LAT2: variants seen among roughly 807,000 people sequenced by gnomAD.
The protein encoded by LAT2 is linker for activation of T-cells family member 2.
A neutral mutation model predicts 43.4 loss-of-function variants in LAT2; 23 were observed. The ratio of observed to expected loss-of-function variants is 0.53; its 90% CI spans 0.38 to 0.75. The LOEUF (loss-of-function observed/expected upper bound fraction) is 0.75, where lower values mean the gene tolerates loss of function less well. Ranked by LOEUF, LAT2 falls within the 30% of genes least tolerant of loss-of-function variation. LAT2 has a pLI of 0.00. For synonymous variants in LAT2, 128 were observed against 123.2 expected (o/e 1.04, Z -0.26); for missense variants, 284 against 310.2 (o/e 0.92, Z 0.64).
At chr7:74,222,446 G>A (rs1355385374) in intron 10 of LAT2, among the ~76,000 whole-genome samples, 1 of 151,694 alleles carries the variant, frequency 6.6e-6, no homozygotes, top group Non-Finnish European at 1.5e-5. Context: ...GAGGACTCAG[G>A]GTGGGCAGTG....
rs185535173 is a variant in LAT2, at chr7:74,214,042, A to G, written c.-218-780A>G. 3.9e-3 allele frequency among the ~76,000 whole-genome samples: 524 copies of G among 134,060 alleles called. 6 individuals carry two copies. Among genetic ancestry groups the G allele is most frequent in the Middle Eastern group, 0.015 (4 of 274 alleles). 87.9% of individuals were successfully genotyped at this position (134,060 alleles called of 152,430 possible). On this transcript the variant is annotated intron_variant, in intron 1 of 13. Transcript: ENST00000460943. ...CAGCTCACTGCAGCCATATATATGT[A>G]TATATATATATATATGAAAAAATAT...
At chr7:74,218,725 C>T (rs1283784559) in intron 4 of LAT2, among the ~76,000 whole-genome samples, 1 of 152,184 alleles carries the variant, frequency 6.6e-6, no homozygotes, top group African/African-American at 2.4e-5. Context: ...GATGGAGCCA[C>T]ATTTACTTTT....
chr7:74,223,705 A>T lies in LAT2; in HGVS notation c.389-19A>T. ...AGGGTCTGCCCACACCCCCGTGCCC[A>T]CTCCTCTCTCTCCTGCAGATGATGA... On this transcript the variant is annotated intron_variant, in intron 10 of 13. Transcript: ENST00000460943. 6.2e-7 allele frequency: 1 copy of T among 1,607,240 alleles called. No homozygotes were observed. Among genetic ancestry groups the T allele is most frequent in the Non-Finnish European group, 8.5e-7 (1 of 1,174,216 alleles).
Position 74,220,821 on chromosome 7 carries a change from T to TCTCC in LAT2, c.332+87_332+88insCTCC. 29 of 1,027,744 alleles carry TCTCC rather than the reference T, an allele frequency of 2.8e-5. No individual in the cohort carries two copies. The highest frequency in any genetic ancestry group is 3.6e-4 in the Middle Eastern group (1 of 2,752). 63.7% of individuals were successfully genotyped at this position (1,027,744 alleles called of 1,614,324 possible). A position where few individuals can be genotyped will look rare whatever the true frequency, so the allele number is the denominator to read the frequency against. Reference sequence around the variant, plus strand: ...GCCCCACCTCTCCCCCTGCCCCACCTGCCTGCCACAGCCCTGGGCTTCCTG... The same window carrying TCTCC: ...GCCCCACCTCTCCCCCTGCCCCACCTCTCCGCCTGCCACAGCCCTGGGCTTCCTG... On this transcript the variant is annotated intron_variant, in intron 9 of 13. Transcript: ENST00000460943. The surrounding 1 kb of genome is among the most constrained non-coding windows in gnomAD (Gnocchi z 4.5).
intron 3 of LAT2, among the ~76,000 whole-genome samples, chr7:74,216,531 CTGG>C (rs1802053913): frequency 6.6e-6 from 1 of 152,122 alleles, no homozygotes; most frequent in Non-Finnish European, 1.5e-5. Context: ...GCCACCATGC[CTGG>C]CTAATTTTTG....
intron 13 of LAT2, among the ~76,000 whole-genome samples, chr7:74,228,272 C>T (rs1250398915): frequency 2.0e-4 from 29 of 145,870 alleles, no homozygotes; most frequent in Non-Finnish European, 3.1e-4. Context: ...GTCAGGAGAT[C>T]GAGACCATCC....
Position 74,220,243 on chromosome 7 carries a change from C to T in LAT2, c.254C>T (p.Pro85Leu). 1 of 1,611,622 alleles carries T rather than the reference C, an allele frequency of 6.2e-7. No homozygotes were observed. Among genetic ancestry groups the T allele is most frequent in the Non-Finnish European group, 8.5e-7 (1 of 1,178,524 alleles). ...TRKDKLLQFY[P>L]SLEDPASSRY... ...AAGGACAAGCTGTTGCAATTCTACC[C>T]CAGCCTGGAGGGTGAGTGGCACAGG... The change falls in exon 7 of 14, where the codon CCC becomes CTC. Residue 85 changes from proline to leucine, a missense_variant. Pro to Leu is a moderately conservative substitution (Grantham distance 98, BLOSUM62 -3). Transcript: ENST00000460943. This position sits in a 1 kb window ranked among gnomAD's most constrained non-coding sequence, Gnocchi z 4.5.
intron 4 of LAT2, 111 bp downstream of exon 4, chr7:74,216,975 GT>G: frequency 2.2e-6 from 2 of 917,428 alleles, no homozygotes; most frequent in Non-Finnish European, 3.5e-6. Flanking sequence ...CACCTCCTCC[GT>G]GCCAAGTTCT....
At chr7:74,216,097 G>A (rs1269178220) in intron 3 of LAT2, 28 bp downstream of exon 3, 23 of 1,578,678 alleles carry the variant, frequency 1.5e-5, no homozygotes, top group Non-Finnish European at 1.8e-5. Flanking sequence ...GGACGTGATG[G>A]GGAGAAGGTG....
At chr7:74,224,585 C>T in intron 12 of LAT2, 54 bp from the exon 13 acceptor site, 1 of 1,462,990 alleles carries the variant, frequency 6.8e-7, no homozygotes, top group Non-Finnish European at 9.4e-7. Context: ...GGGGAGCAGT[C>T]ATGGGTGTCT....
chr7:74,227,601 G>A (rs1470975129), intron 13 of LAT2, among the ~76,000 whole-genome samples: 1 of 152,206 alleles, frequency 6.6e-6, no homozygotes, highest in Admixed American at 6.5e-5. Context: ...TGGGTACTGG[G>A]AGAGTGGGTA....
chr7:74,220,151 G>A lies in LAT2; in HGVS notation c.228-66G>A, dbSNP rs1374185034. On this transcript the variant is annotated intron_variant, in intron 6 of 13. Transcript: ENST00000460943. The surrounding 1 kb of genome is among the most constrained non-coding windows in gnomAD (Gnocchi z 4.5). ...GAAGGCCCCACAAGGGGTATGGGGG[G>A]ATGTGTCCTGGGGGGCCTCTCCCCT... The A allele has an allele frequency of 3.2e-6, 5 of 1,567,198 alleles. No homozygotes were observed. Among genetic ancestry groups the A allele is most frequent in the Non-Finnish European group, 3.5e-6 (4 of 1,149,682 alleles).
At chr7:74,210,909 T>C (rs1801711040) in intron 1 of LAT2, among the ~76,000 whole-genome samples, 1 of 151,988 alleles carries the variant, frequency 6.6e-6, no homozygotes, top group Non-Finnish European at 1.5e-5. Flanking sequence ...CCAACCCCAG[T>C]GTCCCCAACC....
intron 13 of LAT2, among the ~76,000 whole-genome samples, chr7:74,227,422 G>A (rs1802532469): frequency 3.3e-5 from 5 of 151,982 alleles, no homozygotes; most frequent in Admixed American, 3.3e-4. Context: ...GTTTCACCAT[G>A]TTGGCCAGGC....
chr7:74,224,182 T>C lies in LAT2; in HGVS notation c.613T>C (p.Ser205Pro). Reference sequence around the variant, plus strand: ...AGCATCCATCCATCAGTGGCGCGAGTCCAGGAAGGTCATGGGTAGGTGGCC... The same window carrying C: ...AGCATCCATCCATCAGTGGCGCGAGCCCAGGAAGGTCATGGGTAGGTGGCC... ...NSASIHQWRE[S>P]RKVMGQLQRE... The change falls in exon 12 of 14, where the codon TCC becomes CCC. Residue 205 changes from serine to proline, a missense_variant. Ser to Pro is a moderately conservative substitution (Grantham distance 74). Coordinates refer to ENST00000460943, the MANE Select transcript of LAT2 (RefSeq NM_032464.3). 2.5e-6 allele frequency: 4 copies of C among 1,613,538 alleles called. No individual in the cohort carries two copies. Among genetic ancestry groups the C allele is most frequent in the Non-Finnish European group, 3.4e-6 (4 of 1,179,970 alleles).
At chr7:74,223,859 A>G in intron 11 of LAT2, 76 bp downstream of exon 11, 2 of 1,528,044 alleles carry the variant, frequency 1.3e-6, no homozygotes, top group Non-Finnish European at 1.8e-6. Flanking sequence ...TGCACTCCCC[A>G]CTGCTCAAAG....
At position 74,220,097 on chromosome 7, in the gene LAT2, C is replaced by T. The variant is rs558209606; in HGVS notation, c.227+89C>T. On this transcript the variant is annotated intron_variant, in intron 6 of 13. Coordinates refer to ENST00000460943, the MANE Select transcript of LAT2 (RefSeq NM_032464.3). The surrounding 1 kb of genome is among the most constrained non-coding windows in gnomAD (Gnocchi z 4.5). ...CCAGGTCAAGACCTCCCTCCCTCCC[C>T]GAGTCCCAGAGCTCCAGGGCTCAGC... 48 of 1,566,038 alleles carry T rather than the reference C, an allele frequency of 3.1e-5. No individual in the cohort carries two copies. The highest frequency in any genetic ancestry group is 1.9e-4 in the African/African-American group (14 of 74,006).
At chr7:74,224,265 C>A in intron 12 of LAT2, 68 bp downstream of exon 12, 1 of 1,532,108 alleles carries the variant, frequency 6.5e-7, no homozygotes, top group Non-Finnish European at 8.9e-7. Flanking sequence ...CCTGGAAGGG[C>A]AGGCTGAAAG....
intron 13 of LAT2, among the ~76,000 whole-genome samples, chr7:74,227,146 A>G (rs1802521884): frequency 6.7e-6 from 1 of 148,584 alleles, no homozygotes; most frequent in South Asian, 2.1e-4. Context: ...GGTTCAAGCG[A>G]TGCTCCTGCC....
Sources: allele counts gnomAD v4.1 joint callset (sites outside exome capture counted in the v4.1 genomes callset), GRCh38; gene constraint gnomAD v4.1.1; non-coding constraint Gnocchi (gnomAD v3.1); transcripts MANE v1.5; gene names NCBI Gene and HGNC (gene_info 2026-07-23, HGNC 2026-07-21).